Variants in CMTR1 observed in about 807,000 individuals in gnomAD.
CMTR1 encodes the protein cap-specific mRNA (nucleoside-2'-O-)-methyltransferase 1.
A neutral mutation model predicts 107.0 loss-of-function variants in CMTR1; 39 were observed. That is an observed-to-expected ratio of 0.36 (90% CI 0.28 to 0.48). CMTR1 has a LOEUF of 0.48. Among genes scored for constraint, CMTR1 ranks in the 20% least tolerant of loss-of-function variants. CMTR1 has a pLI of 0.99. For synonymous variants in CMTR1, 366 were observed against 379.5 expected (o/e 0.96, Z 0.41); for missense variants, 672 against 1,064.9 (o/e 0.63, Z 5.14).
chr6:37,457,830 G>A (rs908429861), intron 8 of CMTR1, among the ~76,000 whole-genome samples: 1 of 152,196 alleles, frequency 6.6e-6, no homozygotes, highest in Non-Finnish European at 1.5e-5. Context: ...CCAGCCTTTG[G>A]TTGGACAGGA....
At chr6:37,455,426 A>T (rs912063251) in intron 8 of CMTR1, among the ~76,000 whole-genome samples, 4 of 152,196 alleles carry the variant, frequency 2.6e-5, no homozygotes, top group Non-Finnish European at 5.9e-5. Flanking sequence ...GTTATGGTAA[A>T]GGAGAAAGGG....
intron 13 of CMTR1, among the ~76,000 whole-genome samples, chr6:37,470,631 C>T (rs1273471265): frequency 6.6e-6 from 1 of 152,134 alleles, no homozygotes; most frequent in Non-Finnish European, 1.5e-5. Flanking sequence ...AAATGCCAGA[C>T]ATTGTGTGTA....
intron 13 of CMTR1, among the ~76,000 whole-genome samples, chr6:37,465,972 G>A (rs1761500958): frequency 6.6e-6 from 1 of 151,788 alleles, no homozygotes; most frequent in Non-Finnish European, 1.5e-5. Flanking sequence ...TTGATGCACT[G>A]AAGTTTAAAA....
intron 4 of CMTR1, among the ~76,000 whole-genome samples, chr6:37,449,354 G>C (rs1771883731): frequency 6.6e-6 from 1 of 151,526 alleles, no homozygotes; most frequent in Non-Finnish European, 1.5e-5. Context: ...TGTCACCCAG[G>C]CTGGAGTGCA....
intron 2 of CMTR1, among the ~76,000 whole-genome samples, chr6:37,437,698 G>T (rs527982479): frequency 6.6e-6 from 1 of 152,216 alleles, no homozygotes; most frequent in African/African-American, 2.4e-5. Flanking sequence ...CTTACTGCAC[G>T]CGATGGTTCT....
At chr6:37,461,096 C>T (rs972436750) in intron 10 of CMTR1, among the ~76,000 whole-genome samples, 1 of 152,198 alleles carries the variant, frequency 6.6e-6, no homozygotes, top group Non-Finnish European at 1.5e-5. Context: ...TAACTTTTCT[C>T]CTTCACCAGA....
In CMTR1 at chr6:37,462,990, T is replaced by C. The variant is rs755146361; in HGVS notation, c.1487T>C (p.Met496Thr). Residue 496 changes from methionine to threonine, a missense_variant, in exon 13 of 24, where the codon ATG becomes ACG. Met to Thr is a moderately conservative substitution (Grantham distance 81, BLOSUM62 -1). Transcript: ENST00000373451. Reference protein sequence around the residue: ...IKGDHEFTDYMIRSNESHCSL... With the variant: ...IKGDHEFTDYTIRSNESHCSL... ...GGAGACCATGAATTTACTGACTACATGATACGGTCCAATGAGAGGTAAGCC... is the reference window on the plus strand; with the variant it reads ...GGAGACCATGAATTTACTGACTACACGATACGGTCCAATGAGAGGTAAGCC... 4 of 1,614,158 alleles carry C rather than the reference T, an allele frequency of 2.5e-6. No individual in the cohort carries two copies. The South Asian group carries it at 4.4e-5, about 18-fold the overall frequency.
intron 2 of CMTR1, among the ~76,000 whole-genome samples, chr6:37,441,595 G>A (rs1771677239): frequency 6.6e-6 from 1 of 151,898 alleles, no homozygotes; most frequent in Non-Finnish European, 1.5e-5. Context: ...TGTATTTTTA[G>A]TAGAGACAGG....
At chr6:37,476,348 G>A (rs975965354) in intron 20 of CMTR1, among the ~76,000 whole-genome samples, 154 bp downstream of exon 20, 5 of 152,124 alleles carry the variant, frequency 3.3e-5, no homozygotes, top group South Asian at 4.1e-4. Flanking sequence ...GGGGTGCTAG[G>A]TAGGTGACTT....
intron 8 of CMTR1, among the ~76,000 whole-genome samples, chr6:37,454,784 A>T (rs1239605862): frequency 1.3e-5 from 2 of 152,120 alleles, no homozygotes; most frequent in African/African-American, 4.8e-5. Context: ...GCTTCACTAT[A>T]AAAAAAGTGA....
Position 37,453,234 on chromosome 6 carries a change from T to C in CMTR1, c.705-6T>C. 4 of 1,614,200 alleles carry C rather than the reference T, an allele frequency of 2.5e-6. No homozygotes were observed. The highest frequency in any genetic ancestry group is 3.4e-6 in the Non-Finnish European group (4 of 1,180,018). ...TCTAGTACTTTTCTGTCTTGCTTTA[T>C]TGCAGGGCAGCAATGAAGATGGCTA... is the stretch of plus-strand genomic sequence containing the variant. On this transcript the variant is annotated splice_region_variant and splice_polypyrimidine_tract_variant and intron_variant, in intron 7 of 23. Coordinates refer to ENST00000373451, the MANE Select transcript of CMTR1 (RefSeq NM_015050.3).
At chr6:37,462,205 C>G in intron 12 of CMTR1, 103 bp downstream of exon 12, 1 of 1,393,688 alleles carries the variant, frequency 7.2e-7, no homozygotes, top group African/African-American at 1.4e-5. Flanking sequence ...ACGTTTAAAA[C>G]CTTGACTTTA....
At position 37,459,559 on chromosome 6, in the gene CMTR1, C is replaced by G. The variant is rs376267984; in HGVS notation, c.977-7C>G. ...ATGAACTCACTATGACTCTTGTATTCTGACAGGTGAGGGTGGGATTGATGG... is the reference window on the plus strand; with the variant it reads ...ATGAACTCACTATGACTCTTGTATTGTGACAGGTGAGGGTGGGATTGATGG... On this transcript the variant is annotated splice_region_variant and splice_polypyrimidine_tract_variant and intron_variant, in intron 9 of 23. Transcript: ENST00000373451. 8.1e-6 allele frequency: 13 copies of G among 1,612,090 alleles called. No individual in the cohort carries two copies. The highest frequency in any genetic ancestry group is 1.1e-5 in the Non-Finnish European group (13 of 1,178,308).
In CMTR1 at chr6:37,479,128, C is replaced by G; in HGVS notation, c.2267-19C>G. The G allele has an allele frequency of 3.8e-6, 6 of 1,576,222 alleles. No homozygotes were observed. Among genetic ancestry groups the G allele is most frequent in the Non-Finnish European group, 4.4e-6 (5 of 1,145,682 alleles). ...GCTTTGTGTCCCTTCTGGGCTTCATCCCCTCTTCCTCCCATCAGAGCCCTG... is the reference window on the plus strand; with the variant it reads ...GCTTTGTGTCCCTTCTGGGCTTCATGCCCTCTTCCTCCCATCAGAGCCCTG... On this transcript the variant is annotated intron_variant, in intron 22 of 23. Coordinates refer to ENST00000373451, the MANE Select transcript of CMTR1 (RefSeq NM_015050.3).
the CMTR1 span, among the ~76,000 whole-genome samples, chr6:37,427,020 G>A: frequency 6.6e-6 from 1 of 152,168 alleles, no homozygotes; most frequent in Non-Finnish European, 1.5e-5. This position sits in a 1 kb window ranked among gnomAD's most constrained non-coding sequence, Gnocchi z 4.4. Flanking sequence ...AGAGGACAAA[G>A]TCCTCTTTGC....
chr6:37,429,831 G>A (rs544423387), upstream of CMTR1, among the ~76,000 whole-genome samples: 139 of 152,226 alleles, frequency 9.1e-4, no homozygotes, highest in African/African-American at 3.2e-3. Flanking sequence ...CCAGCTACTT[G>A]GGAGGCTGAG....
chr6:37,450,181 T>C (rs1304287013), intron 4 of CMTR1, 70 bp from the exon 5 acceptor site: 2 of 1,318,048 alleles, frequency 1.5e-6, no homozygotes, highest in Non-Finnish European at 2.2e-6. Context: ...TTTGGGGAAG[T>C]CCTGATGAGT....
chr6:37,461,466 T>C, intron 10 of CMTR1, 83 bp from the exon 11 acceptor site: 1 of 715,708 alleles, frequency 1.4e-6, no homozygotes, highest in South Asian at 1.9e-5. Flanking sequence ...CTTCAAGAAC[T>C]CTCGATGAAG....
At chr6:37,479,561 A>T (rs1220143274) in intron 23 of CMTR1, among the ~76,000 whole-genome samples, 1 of 152,190 alleles carries the variant, frequency 6.6e-6, no homozygotes, top group Admixed American at 6.5e-5. Context: ...ACATTCCAAC[A>T]CTGGCCTGAT....
Sources: gnomAD v4.1 joint callset for allele counts (sites outside exome capture counted in the v4.1 genomes callset) on GRCh38, gnomAD v4.1.1 for gene constraint, Gnocchi (gnomAD v3.1) non-coding constraint, MANE v1.5 for transcripts, NCBI Gene and HGNC (gene_info 2026-07-23, HGNC 2026-07-21) for gene names.